NAALADL2: variants seen among roughly 807,000 people sequenced by gnomAD.
NAALADL2 encodes N-acetylated alpha-linked acidic dipeptidase like 2, also known as inactive N-acetylated-alpha-linked acidic dipeptidase-like protein 2.
NAALADL2 carries 76 observed loss-of-function variants against 87.2 expected under a neutral mutation model. That is an observed-to-expected ratio of 0.87 (90% CI 0.72 to 1.05). NAALADL2 has a LOEUF of 1.05. Ranked by LOEUF, NAALADL2 falls within the 50% of genes least tolerant of loss-of-function variation. The pLI, the probability that NAALADL2 is intolerant of heterozygous loss-of-function variation, is 0.00. For missense variants in NAALADL2, 1,089 were observed against 945.8 expected, an observed-to-expected ratio of 1.15 and a Z score of -1.99; for synonymous variants, 354 against 331.0, an observed-to-expected ratio of 1.07 and a Z score of -0.75.
At chr3:174,800,617 C>A (rs1406519487) in intron 3 of NAALADL2, among the ~76,000 whole-genome samples, 1 of 152,134 alleles carries the variant, frequency 6.6e-6, no homozygotes, top group East Asian at 1.9e-4. Context: ...TACTGGGGCA[C>A]CGCCTAGTAG....
chr3:175,663,883 A>T (rs1354060938), intron 11 of NAALADL2, among the ~76,000 whole-genome samples: 3 of 151,954 alleles, frequency 2.0e-5, no homozygotes, highest in Non-Finnish European at 4.4e-5. Flanking sequence ...TGACCTAGAT[A>T]TTGGGTTTAA....
At chr3:175,067,615 A>G (rs544214838) in intron 1 of NAALADL2, among the ~76,000 whole-genome samples, 2 of 152,112 alleles carry the variant, frequency 1.3e-5, no homozygotes, top group Non-Finnish European at 2.9e-5. Context: ...GGCTGCAGAG[A>G]AAAAGGAATG....
chr3:174,790,053 GCT>G (rs1343578757), intron 3 of NAALADL2, among the ~76,000 whole-genome samples: 3 of 152,088 alleles, frequency 2.0e-5, no homozygotes, highest in Non-Finnish European at 4.4e-5. Flanking sequence ...ACTACTCTTG[GCT>G]CTCTTTCACC....
At chr3:175,028,796 G>T (rs1164489557) in intron 1 of NAALADL2, among the ~76,000 whole-genome samples, 1 of 151,538 alleles carries the variant, frequency 6.6e-6, no homozygotes, top group African/African-American at 2.4e-5. Flanking sequence ...TAAAATTTGG[G>T]AAATAAAAAT....
chr3:175,283,087 A>C (rs575060454), intron 4 of NAALADL2, among the ~76,000 whole-genome samples: 3 of 152,158 alleles, frequency 2.0e-5, no homozygotes, highest in African/African-American at 7.2e-5. Flanking sequence ...AGCATTGATA[A>C]TTATCTAAGG....
At chr3:174,564,122 A>T (rs967200909) in intron 2 of NAALADL2, among the ~76,000 whole-genome samples, 1 of 152,102 alleles carries the variant, frequency 6.6e-6, no homozygotes, top group African/African-American at 2.4e-5. Context: ...TTCATATAAG[A>T]TTCATATGAG....
chr3:175,618,183 C>T (rs950297834), intron 10 of NAALADL2, among the ~76,000 whole-genome samples: 6 of 152,170 alleles, frequency 3.9e-5, no homozygotes, highest in South Asian at 2.1e-4. Flanking sequence ...ATACCTGTCA[C>T]GGTTGTCTGA....
intron 3 of NAALADL2, among the ~76,000 whole-genome samples, chr3:174,831,198 G>T (rs1055353394): frequency 2.0e-5 from 3 of 151,870 alleles, no homozygotes; most frequent in Non-Finnish European, 4.4e-5. Flanking sequence ...TTTTCAAAGG[G>T]AATGCTTCCA....
At chr3:175,453,407 T>A (rs888903344) in intron 6 of NAALADL2, among the ~76,000 whole-genome samples, 1 of 152,168 alleles carries the variant, frequency 6.6e-6, no homozygotes, top group Admixed American at 6.6e-5. Context: ...TATCCAAATA[T>A]GTCTTGCATG....
intron 2 of NAALADL2, among the ~76,000 whole-genome samples, chr3:174,625,085 G>T (rs1721432918): frequency 3.1e-5 from 3 of 98,170 alleles, no homozygotes; most frequent in Middle Eastern, 6.4e-3. Flanking sequence ...TTGAGACAGG[G>T]TCTTTCTCTG....
intron 13 of NAALADL2, among the ~76,000 whole-genome samples, chr3:175,784,868 GC>G (rs1751698095): frequency 1.2e-5 from 1 of 80,468 alleles, no homozygotes; most frequent in Non-Finnish European, 2.1e-5. Flanking sequence ...TCTACACACT[GC>G]TTTGAATGTG....
chr3:175,721,393 T>G (rs1466836962), intron 11 of NAALADL2, among the ~76,000 whole-genome samples: 1 of 152,024 alleles, frequency 6.6e-6, no homozygotes, highest in Non-Finnish European at 1.5e-5. Flanking sequence ...TATAATAGCG[T>G]TGTAAATAGT....
At chr3:174,568,464 A>G (rs1352123257) in intron 2 of NAALADL2, among the ~76,000 whole-genome samples, 1 of 151,806 alleles carries the variant, frequency 6.6e-6, no homozygotes, top group Non-Finnish European at 1.5e-5. Context: ...ACACATACGT[A>G]TATGAAAAGC....
chr3:174,844,193 A>G (rs1018832046), intron 3 of NAALADL2, among the ~76,000 whole-genome samples: 2 of 152,086 alleles, frequency 1.3e-5, no homozygotes, highest in Non-Finnish European at 2.9e-5. Flanking sequence ...TTATTTTTGT[A>G]TATGGTGGGA....
intron 3 of NAALADL2, among the ~76,000 whole-genome samples, chr3:174,807,961 G>A (rs1431701173): frequency 6.6e-6 from 1 of 151,696 alleles, no homozygotes; most frequent in Non-Finnish European, 1.5e-5. Context: ...TTACTATGTG[G>A]TATCCCTTCA....
At position 175,140,342 on chromosome 3, in the gene NAALADL2, A is replaced by G. The variant is rs114794462; in HGVS notation, c.545+43051A>G. 4.6e-3 allele frequency among the ~76,000 whole-genome samples: 696 copies of G among 152,252 alleles called. 7 individuals are homozygous for G. The highest frequency in any genetic ancestry group is 0.016 in the African/African-American group (672 of 41,548). On this transcript the variant is annotated intron_variant, in intron 2 of 13. Coordinates refer to ENST00000454872, the MANE Select transcript of NAALADL2 (RefSeq NM_207015.3). ...CAGGTGGGACTAGAAAATGTACTATATGCATGAGATCATGTCCCTGTCCTC... is the reference window on the plus strand; with the variant it reads ...CAGGTGGGACTAGAAAATGTACTATGTGCATGAGATCATGTCCCTGTCCTC...
At chr3:174,535,367 G>T (rs1043773893) in intron 1 of NAALADL2, among the ~76,000 whole-genome samples, 3 of 152,140 alleles carry the variant, frequency 2.0e-5, no homozygotes. Context: ...GAGAAAAACT[G>T]ATTTGCAAAG....
At chr3:174,889,945 G>T (rs1241794078) in intron 1 of NAALADL2, among the ~76,000 whole-genome samples, 1 of 152,178 alleles carries the variant, frequency 6.6e-6, no homozygotes, top group Non-Finnish European at 1.5e-5. Context: ...GCTCAGATGT[G>T]AGTGTGTGAA....
chr3:175,030,924 T>A (rs9838075), intron 1 of NAALADL2, among the ~76,000 whole-genome samples: 45,380 of 151,474 alleles, frequency 0.3, 7,203 homozygotes, highest in African/African-American at 0.4. Context: ...ACTACTTTTT[T>A]AAAAAAATGT....
Sources: allele counts gnomAD v4.1 joint callset (sites outside exome capture counted in the v4.1 genomes callset), GRCh38; gene constraint gnomAD v4.1.1; transcripts MANE v1.5; gene names NCBI Gene and HGNC (gene_info 2026-07-23, HGNC 2026-07-21).